Variants in NR2C2 observed in about 807,000 individuals in gnomAD.
The protein encoded by NR2C2 is Nuclear hormone receptor TR4.
Under a neutral mutation model 62.9 loss-of-function variants are expected in NR2C2, and 6 were observed. That is an observed-to-expected ratio of 0.10 (90% CI 0.05 to 0.19). The LOEUF is 0.19. Among genes scored for constraint, NR2C2 ranks in the 10% least tolerant of loss-of-function variants. The probability of loss-of-function intolerance (pLI) is 1.00; values close to 1 mark genes in which losing one functional copy is unlikely to be tolerated. For synonymous variants in NR2C2, 272 were observed against 273.8 expected (o/e 0.99, Z 0.07); for missense variants, 479 against 762.7 (o/e 0.63, Z 4.38).
intron 1 of NR2C2, among the ~76,000 whole-genome samples, chr3:14,972,722 G>A (rs1465931742): frequency 1.3e-5 from 2 of 152,186 alleles, no homozygotes; most frequent in African/African-American, 4.8e-5. Context: ...TCCACAGGCT[G>A]TACAGAGAGC....
intron 12 of NR2C2, 24 bp from the exon 13 acceptor site, chr3:15,039,098 G>A (rs41284021): frequency 1.3e-6 from 2 of 1,558,406 alleles, no homozygotes; most frequent in Non-Finnish European, 1.8e-6. Flanking sequence ...AGGGAACTGG[G>A]GGGGGGTACT....
intron 13 of NR2C2, among the ~76,000 whole-genome samples, chr3:15,041,358 G>A (rs909708012): frequency 1.3e-5 from 2 of 152,130 alleles, no homozygotes; most frequent in African/African-American, 4.8e-5. Context: ...GCCCAGCTGA[G>A]ATGGCAGGTC....
In NR2C2 at chr3:15,039,204, A is replaced by G; in HGVS notation, c.1593A>G (p.Lys531=). ...TGGAGTTGCAGGACTATGTTCAGAA[A>G]ACCTACTCAGAAGACACCTACCGGT... ...AQMELQDYVQ[K]TYSEDTYRLA... is the part of the protein sequence containing the mutation. The change falls in exon 13 of 14, where the codon AAA becomes AAG. Residue 531 remains lysine (K), a synonymous_variant. Coordinates refer to ENST00000425241, the MANE Select transcript of NR2C2 (RefSeq NM_001291694.2). The G allele has an allele frequency of 6.2e-7, 1 of 1,613,946 alleles. No homozygotes were observed. Among genetic ancestry groups the G allele is most frequent in the Non-Finnish European group, 8.5e-7 (1 of 1,179,828 alleles).
chr3:15,004,560 T>G, intron 2 of NR2C2: 1 of 1,612,364 alleles, frequency 6.2e-7, no homozygotes, highest in South Asian at 1.1e-5. Context: ...TCCCTAGGGC[T>G]CTGAACCTGC....
intron 13 of NR2C2, among the ~76,000 whole-genome samples, chr3:15,040,625 G>T (rs1361855557): frequency 7.9e-5 from 12 of 152,216 alleles, no homozygotes; most frequent in African/African-American, 2.7e-4. Context: ...GTGACTGGGG[G>T]TGTCTTATGG....
chr3:14,962,686 G>T (rs73814892), intron 1 of NR2C2, among the ~76,000 whole-genome samples: 1,927 of 149,036 alleles, frequency 0.013, 48 homozygotes, highest in African/African-American at 0.045. Context: ...GCATGAGTAG[G>T]GTGGCCTATC....
intron 1 of NR2C2, among the ~76,000 whole-genome samples, chr3:14,990,656 T>C (rs537636511): frequency 4.1e-4 from 62 of 152,252 alleles, no homozygotes; most frequent in African/African-American, 1.4e-3. Context: ...AGGAAAAATA[T>C]AAATAAAGCT....
chr3:14,989,522 T>C (rs1167502640), intron 1 of NR2C2, among the ~76,000 whole-genome samples: 3 of 152,114 alleles, frequency 2.0e-5, no homozygotes, highest in African/African-American at 7.2e-5. Flanking sequence ...GGGCCAGGCA[T>C]GGTAGCTCAC....
At position 15,013,634 on chromosome 3, in the gene NR2C2, G is replaced by A. The variant is rs768593648; in HGVS notation, c.118G>A (p.Ala40Thr). 5.6e-6 allele frequency: 9 copies of A among 1,614,134 alleles called. No homozygotes were observed. Among genetic ancestry groups the A allele is most frequent in the Admixed American group, 5.0e-5 (3 of 60,014 alleles). Residue 40 changes from alanine to threonine, a missense_variant, in exon 3 of 14, where the codon GCA (alanine) becomes ACA (threonine). By Grantham distance (58) the Ala-to-Thr change is moderately conservative. This residue lies in a region of NR2C2 where 115 missense variants were observed against 152.3 expected (regional missense o/e 0.76). Transcript: ENST00000425241. ...QTGQKIQIVT[A>T]VDASGSPKQQ... is the part of the protein sequence containing the mutation. ...AGGACAGAAAATCCAGATAGTCACC[G>A]CAGTGGACGCCTCCGGATCCCCCAA...
Position 15,045,605 on chromosome 3 carries a change from T to TTAA in NR2C2, c.*2598_*2599insAAT, listed in dbSNP as rs1276509457. The TTAA allele has an allele frequency of 2.0e-5, 3 of 152,694 alleles. No individual in the cohort carries two copies. Among genetic ancestry groups the TTAA allele is most frequent in the Non-Finnish European group, 4.4e-5 (3 of 68,054 alleles). The allele number at this position is 152,694 out of a possible 1,614,324, so 9.5% of individuals were successfully genotyped here. A position where few individuals can be genotyped will look rare whatever the true frequency, so the allele number is the denominator to read the frequency against. ...TCCACGTAACCTGTATTCTTGCTGCTTTAACTCATTTCAAGCCTCTGACTG... is the reference window on the plus strand; with the variant it reads ...TCCACGTAACCTGTATTCTTGCTGCTTAATTAACTCATTTCAAGCCTCTGACTG... On this transcript the variant is annotated 3_prime_UTR_variant, in exon 14 of 14. Coordinates refer to ENST00000425241, the MANE Select transcript of NR2C2 (RefSeq NM_001291694.2).
chr3:15,032,424 A>G lies in NR2C2; in HGVS notation c.1156A>G (p.Ile386Val). The G allele has an allele frequency of 6.2e-7, 1 of 1,614,190 alleles. No homozygotes were observed. Among genetic ancestry groups the G allele is most frequent in the Non-Finnish European group, 8.5e-7 (1 of 1,180,026 alleles). ...PMPEYLNVHY[I>V]CESASRLLFL... ...GCCAGAGTACCTCAACGTGCACTAC[A>G]TCTGTGAGTCTGCATCCCGTCTGCT... The change falls in exon 10 of 14, where the codon ATC becomes GTC. Residue 386 changes from isoleucine (I) to valine (V), a missense_variant. Ile to Val is a conservative substitution (Grantham distance 29). Transcript: ENST00000425241.
intron 1 of NR2C2, among the ~76,000 whole-genome samples, chr3:14,969,045 G>A (rs1330661503): frequency 1.4e-5 from 2 of 147,602 alleles, no homozygotes; most frequent in African/African-American, 5.0e-5. Context: ...TAGATGACGA[G>A]TTAGTGGGTG....
chr3:14,951,759 T>C (rs922286690), intron 1 of NR2C2, among the ~76,000 whole-genome samples: 3 of 152,080 alleles, frequency 2.0e-5, no homozygotes, highest in Non-Finnish European at 4.4e-5. Context: ...TGTGTGTTTT[T>C]TTTTGTTTTT....
intron 2 of NR2C2, among the ~76,000 whole-genome samples, chr3:15,005,519 C>CTTTTTTT (rs574293033): frequency 8.8e-6 from 1 of 114,114 alleles, no homozygotes; most frequent in Admixed American, 9.1e-5. Flanking sequence ...GCGTGGCCAA[C>CTTTTTTT]TTTTTTTTTT....
At chr3:14,954,425 T>C (rs150699811) in intron 1 of NR2C2, among the ~76,000 whole-genome samples, 296 of 152,306 alleles carry the variant, frequency 1.9e-3, no homozygotes, top group African/African-American at 6.6e-3. Context: ...AAAAGGCATG[T>C]GTGAAAATGT....
intron 1 of NR2C2, among the ~76,000 whole-genome samples, chr3:14,995,668 CGT>C (rs58878848): frequency 1.1e-3 from 157 of 147,982 alleles, no homozygotes; most frequent in Middle Eastern, 6.9e-3. Context: ...GTTTTCATTA[CGT>C]GTGTGTGTGT....
chr3:14,984,981 G>T (rs114895871), intron 1 of NR2C2, among the ~76,000 whole-genome samples: 39 of 152,194 alleles, frequency 2.6e-4, no homozygotes, highest in African/African-American at 8.7e-4. Context: ...CATTCTAATA[G>T]ATGTGTACTA....
chr3:14,996,675 A>G (rs2040840549), intron 1 of NR2C2, among the ~76,000 whole-genome samples: 1 of 152,200 alleles, frequency 6.6e-6, no homozygotes, highest in Non-Finnish European at 1.5e-5. Context: ...GGTTCACACC[A>G]TTCTCCTGCC....
chr3:15,046,601 G>A lies in NR2C2; in HGVS notation c.*3593G>A, dbSNP rs2042460952. ...GTTCATGCCACATGTGTACATCCAT[G>A]TTCTGGGACCTGATCTCATTGGAGT... On this transcript the variant is annotated 3_prime_UTR_variant, in exon 14 of 14. Transcript: ENST00000425241. 6.6e-6 allele frequency: 1 copy of A among 152,288 alleles called. No homozygotes were observed. The highest frequency in any genetic ancestry group is 6.5e-5 in the Admixed American group (1 of 15,288). The allele number at this position is 152,288 out of a possible 1,614,324, so 9.4% of individuals were successfully genotyped here. A position where few individuals can be genotyped will look rare whatever the true frequency, so the allele number is the denominator to read the frequency against.
Sources: allele counts gnomAD v4.1 joint callset (sites outside exome capture counted in the v4.1 genomes callset), GRCh38; gene constraint gnomAD v4.1.1; regional missense constraint gnomAD v4.1.1; transcripts MANE v1.5; gene names NCBI Gene and HGNC (gene_info 2026-07-23, HGNC 2026-07-21).